CHD9: variants seen among roughly 807,000 people sequenced by gnomAD.
The protein encoded by CHD9 is chromodomain helicase DNA binding protein 9, also known as ATP-dependent chromatin remodeler CHD9.
A neutral mutation model predicts 316.1 loss-of-function variants in CHD9; 77 were observed. The ratio of observed to expected loss-of-function variants is 0.24; its 90% confidence interval spans 0.20 to 0.29. CHD9 has a LOEUF of 0.29. Among genes scored for constraint, CHD9 ranks in the 10% least tolerant of loss-of-function variants. The probability of loss-of-function intolerance (pLI) is 1.00; values close to 1 mark genes in which losing one functional copy is unlikely to be tolerated. For synonymous variants in CHD9, 1,129 were observed against 1,158.3 expected, an observed-to-expected ratio of 0.97 and a Z score of 0.51; for missense variants, 2,763 against 3,438.1, an observed-to-expected ratio of 0.80 and a Z score of 4.91.
intron 1 of CHD9, among the ~76,000 whole-genome samples, chr16:53,078,196 A>G (rs766087371): frequency 1.3e-5 from 2 of 152,192 alleles, no homozygotes; most frequent in Non-Finnish European, 2.9e-5. Context: ...TGTACTTGCT[A>G]TGGTTTGAAT....
At chr16:53,073,813 C>T (rs571134718) in intron 1 of CHD9, among the ~76,000 whole-genome samples, 2 of 152,318 alleles carry the variant, frequency 1.3e-5, no homozygotes, top group South Asian at 4.1e-4. Flanking sequence ...ATTAAACCTC[C>T]TTTTCTTCCT....
chr16:53,298,610 C>T (rs916867186), intron 30 of CHD9: 1 of 152,386 alleles, frequency 6.6e-6, no homozygotes, highest in Non-Finnish European at 1.5e-5. Context: ...CCCATGATGA[C>T]ACCACTGCGC....
At chr16:53,140,830 T>C (rs1326321657) in intron 1 of CHD9, among the ~76,000 whole-genome samples, 1 of 152,180 alleles carries the variant, frequency 6.6e-6, no homozygotes, top group East Asian at 1.9e-4. Context: ...GCTGAAGTGG[T>C]TCTACAGCCT....
intron 36 of CHD9, among the ~76,000 whole-genome samples, chr16:53,316,008 G>A (rs1179840598): frequency 5.3e-5 from 8 of 152,250 alleles, no homozygotes; most frequent in African/African-American, 1.2e-4. Context: ...TTGGGAGGCC[G>A]AAATGGGCAA....
At chr16:53,189,997 C>A (rs888411748) in intron 2 of CHD9, among the ~76,000 whole-genome samples, 18 of 152,026 alleles carry the variant, frequency 1.2e-4, no homozygotes, top group South Asian at 4.1e-4. Context: ...ATTTAAAATA[C>A]TTTTGAGTAT....
chr16:53,254,546 C>T lies in CHD9; in HGVS notation c.3970C>T (p.Leu1324=). The change falls in exon 18 of 39, where the codon CTG becomes TTG. Residue 1324 remains leucine (L), a synonymous_variant. Coordinates refer to ENST00000447540, the MANE Select transcript of CHD9 (RefSeq NM_001308319.2). The stretch of plus-strand genomic sequence containing the variant: ...GATGTTTGACCGAGCCAGTTTGAAA[C>T]TGGGCCTAGATAAAGCTGTGTTACA... The part of the protein sequence containing the change: ...REMFDRASLK[L]GLDKAVLQSM... 2 of 1,613,040 alleles carry T rather than the reference C, an allele frequency of 1.2e-6. No homozygotes were observed. Among genetic ancestry groups the T allele is most frequent in the South Asian group, 2.2e-5 (2 of 90,832 alleles).
chr16:53,318,403 AC>A (rs1212261047), intron 37 of CHD9, 63 bp downstream of exon 37: 132 of 1,315,262 alleles, frequency 1.0e-4, no homozygotes, highest in Non-Finnish European at 3.0e-5. Flanking sequence ...TCTCCAGAAC[AC>A]TATTTCATTA....
At chr16:53,286,159 A>G (rs2053855834) in intron 25 of CHD9, 67 bp from the exon 26 acceptor site, 1 of 776,234 alleles carries the variant, frequency 1.3e-6, no homozygotes, top group African/African-American at 1.7e-5. Context: ...AAATACGAGG[A>G]ATGCTTATAT....
At chr16:53,202,738 A>G (rs2045570095) in intron 2 of CHD9, among the ~76,000 whole-genome samples, 1 of 152,168 alleles carries the variant, frequency 6.6e-6, no homozygotes, top group Non-Finnish European at 1.5e-5. Flanking sequence ...AAAAAGTATT[A>G]CTGTATCAAT....
At chr16:53,219,959 G>A (rs1034498014) in intron 3 of CHD9, among the ~76,000 whole-genome samples, 1 of 152,182 alleles carries the variant, frequency 6.6e-6, no homozygotes, top group Non-Finnish European at 1.5e-5. Flanking sequence ...GTTGGTTGAG[G>A]AATGAAACGG....
At chr16:53,205,272 C>T (rs563629100) in intron 2 of CHD9, among the ~76,000 whole-genome samples, 4 of 152,162 alleles carry the variant, frequency 2.6e-5, no homozygotes, top group South Asian at 2.1e-4. Context: ...AATTATTTTA[C>T]TCCATTTGAA....
Position 53,156,856 on chromosome 16 carries a change from C to G in CHD9, c.767C>G (p.Ser256Cys). 6.2e-7 allele frequency: 1 copy of G among 1,613,656 alleles called. No individual in the cohort carries two copies. Among genetic ancestry groups the G allele is most frequent in the Non-Finnish European group, 8.5e-7 (1 of 1,179,710 alleles). The change falls in exon 2 of 39, where the codon TCC (serine) becomes TGC (cysteine). Residue 256 changes from serine to cysteine, a missense_variant. This residue lies in a region of CHD9 where 859 missense variants were observed against 890.4 expected (regional missense o/e 0.96). Coordinates refer to ENST00000447540, the MANE Select transcript of CHD9 (RefSeq NM_001308319.2). The part of the protein sequence containing the change: ...SHQEGNFNGP[S>C]PNMTSCSVSN... ...CAAGAAGGAAATTTTAATGGACCTT[C>G]CCCAAATATGACTTCTTGTTCTGTC...
chr16:53,071,154 A>C (rs1037247703), intron 1 of CHD9, among the ~76,000 whole-genome samples: 1 of 152,166 alleles, frequency 6.6e-6, no homozygotes, highest in African/African-American at 2.4e-5. Flanking sequence ...TATCTTCTTT[A>C]ACTTCTTTCA....
intron 27 of CHD9, among the ~76,000 whole-genome samples, chr16:53,288,734 G>A (rs188021990): frequency 4.5e-4 from 68 of 152,178 alleles, no homozygotes; most frequent in African/African-American, 1.2e-3. Context: ...CAAACAGCAC[G>A]GAGAAATAGC....
Position 53,245,862 on chromosome 16 carries a change from A to G in CHD9, c.3454+12A>G. 6.8e-7 allele frequency: 1 copy of G among 1,470,770 alleles called. No individual in the cohort carries two copies. The highest frequency in any genetic ancestry group is 9.0e-7 in the Non-Finnish European group (1 of 1,109,730). The allele number at this position is 1,470,770 out of a possible 1,614,324, so 91.1% of individuals were successfully genotyped here. A position where few individuals can be genotyped will look rare whatever the true frequency, so the allele number is the denominator to read the frequency against. On this transcript the variant is annotated intron_variant, in intron 15 of 38. Coordinates refer to ENST00000447540, the MANE Select transcript of CHD9 (RefSeq NM_001308319.2). This position sits in a 1 kb window ranked among gnomAD's most constrained non-coding sequence, Gnocchi z 4.1. ...ATATCTTATAAAAGGTAGCTAAAAA[A>G]GATTACAACAAATATGTTTTTTCTT...
intron 2 of CHD9, among the ~76,000 whole-genome samples, chr16:53,168,942 A>G (rs1357773066): frequency 6.6e-6 from 1 of 152,196 alleles, no homozygotes; most frequent in Non-Finnish European, 1.5e-5. Context: ...GTCACCAGGC[A>G]TGGTGCTTTG....
intron 1 of CHD9, among the ~76,000 whole-genome samples, chr16:53,078,881 C>T (rs2034779678): frequency 6.6e-6 from 1 of 152,172 alleles, no homozygotes; most frequent in Admixed American, 6.5e-5. Flanking sequence ...AGGTCTGAGG[C>T]ACTGTTAACA....
intron 22 of CHD9, among the ~76,000 whole-genome samples, chr16:53,272,067 T>C (rs1168610810): frequency 6.6e-6 from 1 of 152,074 alleles, no homozygotes. Context: ...AGAGGAAAAT[T>C]GTTAGATGGG....
intron 2 of CHD9, among the ~76,000 whole-genome samples, chr16:53,161,144 A>C (rs2041881466): frequency 6.6e-6 from 1 of 152,202 alleles, no homozygotes; most frequent in African/African-American, 2.4e-5. Flanking sequence ...ATTACTTCTT[A>C]GTTTAAACAG....
Sources: gnomAD v4.1 joint callset for allele counts (sites outside exome capture counted in the v4.1 genomes callset) on GRCh38, gnomAD v4.1.1 for gene constraint, gnomAD v4.1.1 regional missense constraint, Gnocchi (gnomAD v3.1) non-coding constraint, MANE v1.5 for transcripts, NCBI Gene and HGNC (gene_info 2026-07-23, HGNC 2026-07-21) for gene names.